ASTN2: variants seen among roughly 807,000 people sequenced by gnomAD.
The protein encoded by ASTN2 is astrotactin 2, also known as astrotactin-2.
Under a neutral mutation model 139.8 loss-of-function variants are expected in ASTN2, and 54 were observed. That is an observed-to-expected ratio of 0.39 (90% CI 0.31 to 0.48). The LOEUF (loss-of-function observed/expected upper bound fraction) is 0.48, where lower values mean the gene tolerates loss of function less well. ASTN2 is among the 20% of genes least tolerant of loss of function. The pLI is 0.95. For missense variants in ASTN2, 1,565 were observed against 1,725.1 expected (o/e 0.91, Z 1.64); for synonymous variants, 756 against 719.5 (o/e 1.05, Z -0.81).
At chr9:116,763,695 G>A (rs1373366041) in intron 13 of ASTN2, among the ~76,000 whole-genome samples, 1 of 152,170 alleles carries the variant, frequency 6.6e-6, no homozygotes, top group Non-Finnish European at 1.5e-5. Context: ...TTGTTTCTTT[G>A]TGGGTAAAGT....
At chr9:117,366,633 T>TA (rs1470519303) in intron 1 of ASTN2, among the ~76,000 whole-genome samples, 1 of 152,154 alleles carries the variant, frequency 6.6e-6, no homozygotes, top group Non-Finnish European at 1.5e-5. Context: ...TCTTCCTGAT[T>TA]AGACTCCTGA....
rs192164876 is a variant in ASTN2 at position 116,843,600 on chromosome 9, A to G, written c.2040+19983T>C. Among the ~76,000 whole-genome samples the G allele has an allele frequency of 6.6e-3, 1,001 of 151,594 alleles. 8 individuals carry two copies. Among genetic ancestry groups the G allele is most frequent in the African/African-American group, 0.024 (970 of 41,254 alleles). On this transcript the variant is annotated intron_variant, in intron 11 of 22. Transcript: ENST00000313400. ...CTTGAACTCGGGAGGCAGATGTTGC[A>G]GTGAGCCAAGATCGTACCATTGCAT...
chr9:117,304,380 C>A (rs1834949257), intron 1 of ASTN2, among the ~76,000 whole-genome samples: 1 of 152,184 alleles, frequency 6.6e-6, no homozygotes, highest in Non-Finnish European at 1.5e-5. Flanking sequence ...CCTCTCCTCC[C>A]CAAGTCTCTG....
At chr9:116,821,118 C>A (rs981884635) in intron 11 of ASTN2, among the ~76,000 whole-genome samples, 4 of 152,136 alleles carry the variant, frequency 2.6e-5, no homozygotes, top group African/African-American at 7.2e-5. Flanking sequence ...TTGCTGGGAT[C>A]ATATTCATTA....
intron 4 of ASTN2, among the ~76,000 whole-genome samples, chr9:117,124,534 C>T (rs149698886): frequency 6.6e-6 from 1 of 152,216 alleles, no homozygotes; most frequent in Non-Finnish European, 1.5e-5. Flanking sequence ...TAAGTAGCAT[C>T]ATATTACTTT....
At chr9:116,686,996 T>C (rs1860261300) in intron 16 of ASTN2, 1 of 1,418,618 alleles carries the variant, frequency 7.0e-7, no homozygotes, top group South Asian at 1.5e-5. Flanking sequence ...CCCTGGAGGC[T>C]ACCGTTTTGT....
At chr9:116,763,414 G>A (rs948280641) in intron 13 of ASTN2, among the ~76,000 whole-genome samples, 5 of 152,050 alleles carry the variant, frequency 3.3e-5, no homozygotes, top group Admixed American at 6.6e-5. Flanking sequence ...GGAGACATTA[G>A]CACACCTTCT....
intron 5 of ASTN2, among the ~76,000 whole-genome samples, chr9:117,065,916 T>C (rs1055064035): frequency 1.3e-5 from 2 of 152,168 alleles, no homozygotes; most frequent in African/African-American, 4.8e-5. Flanking sequence ...TCTTAATGTC[T>C]TTGAACCTCA....
At chr9:116,474,342 G>A (rs1848911068) in intron 20 of ASTN2, among the ~76,000 whole-genome samples, 1 of 152,202 alleles carries the variant, frequency 6.6e-6, no homozygotes, top group South Asian at 2.1e-4. Flanking sequence ...TAAAGAGAGA[G>A]GGTTTAGATC....
At chr9:117,167,370 A>G (rs1452638108) in intron 3 of ASTN2, among the ~76,000 whole-genome samples, 1 of 152,090 alleles carries the variant, frequency 6.6e-6, no homozygotes, top group East Asian at 1.9e-4. Context: ...AATCATTAAA[A>G]CATTACTTTT....
chr9:116,579,622 T>C (rs972569528), intron 19 of ASTN2, among the ~76,000 whole-genome samples: 1 of 152,200 alleles, frequency 6.6e-6, no homozygotes, highest in African/African-American at 2.4e-5. Flanking sequence ...GGTACATGCC[T>C]GTAGACCCAG....
chr9:116,469,640 A>C (rs1848752610), intron 20 of ASTN2, among the ~76,000 whole-genome samples: 1 of 152,140 alleles, frequency 6.6e-6, no homozygotes, highest in Non-Finnish European at 1.5e-5. Context: ...AGAGGGGAAA[A>C]GTATCTGCCT....
chr9:116,677,437 C>G (rs1486768743), intron 16 of ASTN2, among the ~76,000 whole-genome samples: 1 of 152,094 alleles, frequency 6.6e-6, no homozygotes, highest in Non-Finnish European at 1.5e-5. Context: ...TTGGGGGTAT[C>G]AGAAATTACT....
intron 11 of ASTN2, among the ~76,000 whole-genome samples, chr9:116,822,709 C>T (rs953660950): frequency 3.3e-5 from 5 of 152,116 alleles, no homozygotes; most frequent in Non-Finnish European, 7.4e-5. Context: ...GCGCTTTACC[C>T]GTTTTAACTT....
intron 19 of ASTN2, among the ~76,000 whole-genome samples, chr9:116,610,384 C>G (rs1298500005): frequency 6.6e-6 from 1 of 152,154 alleles, no homozygotes; most frequent in Non-Finnish European, 1.5e-5. Flanking sequence ...GCGGGTGGAT[C>G]ACCAGAGGTC....
At chr9:116,549,498 G>C (rs1300661663) in intron 19 of ASTN2, among the ~76,000 whole-genome samples, 1 of 152,188 alleles carries the variant, frequency 6.6e-6, no homozygotes, top group Non-Finnish European at 1.5e-5. Flanking sequence ...GCTGGAGCCT[G>C]CGTGGGGACG....
intron 10 of ASTN2, among the ~76,000 whole-genome samples, chr9:116,922,323 A>G (rs1834636069): frequency 6.6e-6 from 1 of 152,188 alleles, no homozygotes; most frequent in Non-Finnish European, 1.5e-5. Context: ...TTTGGTTATG[A>G]TTAATTTTAT....
chr9:117,058,331 G>A (rs1839127226), intron 5 of ASTN2, among the ~76,000 whole-genome samples: 2 of 152,172 alleles, frequency 1.3e-5, no homozygotes, highest in Non-Finnish European at 2.9e-5. Context: ...AGATGGGCAA[G>A]AGTTTCAGCT....
chr9:117,279,582 T>A (rs1834277282), intron 2 of ASTN2, among the ~76,000 whole-genome samples: 1 of 152,222 alleles, frequency 6.6e-6, no homozygotes, highest in Non-Finnish European at 1.5e-5. Flanking sequence ...ATCCAGGCAG[T>A]TCTGTCCCAA....
Sources: gnomAD v4.1 joint callset for allele counts (sites outside exome capture counted in the v4.1 genomes callset) on GRCh38, gnomAD v4.1.1 for gene constraint, MANE v1.5 for transcripts, NCBI Gene and HGNC (gene_info 2026-07-23, HGNC 2026-07-21) for gene names.